The following SFR1 variants were observed in gnomAD, a reference collection of about 807,000 sequenced individuals.
The protein encoded by SFR1 is swi5-dependent recombination DNA repair protein 1 homolog.
SFR1 carries 24 observed loss-of-function variants against 26.2 expected under a neutral mutation model. That is an observed-to-expected ratio of 0.92 (90% CI 0.66 to 1.29). The LOEUF (loss-of-function observed/expected upper bound fraction) is 1.29, where lower values mean the gene tolerates loss of function less well. Among genes scored for constraint, SFR1 ranks in the 50% most tolerant of loss-of-function variants. The probability of loss-of-function intolerance (pLI) is 0.00; values close to 1 mark genes in which losing one functional copy is unlikely to be tolerated. For synonymous variants in SFR1, 77 were observed against 96.6 expected, an observed-to-expected ratio of 0.80 and a Z score of 1.19; for missense variants, 276 against 270.2, an observed-to-expected ratio of 1.02 and a Z score of -0.15.
intron 1 of SFR1, chr10:104,122,631 C>G: frequency 7.6e-7 from 1 of 1,311,946 alleles, no homozygotes; most frequent in Non-Finnish European, 9.7e-7. Context: ...ATGAAGCTGT[C>G]ATAATAAAGA....
chr10:104,124,119 T>A lies in SFR1; in HGVS notation c.541T>A (p.Ser181Thr). 6.4e-7 allele frequency: 1 copy of A among 1,560,234 alleles called. No homozygotes were observed. The highest frequency in any genetic ancestry group is 8.6e-7 in the Non-Finnish European group (1 of 1,156,364). The stretch of plus-strand genomic sequence containing the variant: ...GCTAAAACTAGTCAAAATGTATAGA[T>A]CAAAGGTGAGAAGAATTTCAGGACC... Reference protein sequence around the residue: ...RRLKLVKMYRSKNDLSQLQLL... With the variant: ...RRLKLVKMYRTKNDLSQLQLL... Residue 181 changes from serine (S) to threonine (T), a missense_variant, in exon 3 of 4, where the codon TCA becomes ACA. Coordinates refer to ENST00000369727, the MANE Select transcript of SFR1 (RefSeq NM_001002759.2).
At chr10:104,122,090 A>G (rs952747496), upstream of SFR1, 2 of 1,442,582 alleles carry the variant, frequency 1.4e-6, no homozygotes, top group Non-Finnish European at 1.9e-6. Context: ...AATCTGGCCA[A>G]TTGCGCATCT....
rs1201837637 is a variant in SFR1, at chr10:104,126,346, T to C, written c.*642T>C. 6.5e-6 allele frequency: 1 copy of C among 152,694 alleles called. No homozygotes were observed. Among genetic ancestry groups the C allele is most frequent in the Non-Finnish European group, 1.5e-5 (1 of 68,042 alleles). 9.5% of individuals were successfully genotyped at this position (152,694 alleles called of 1,614,324 possible). ...CCATTTACCACATATTTCCATCTGA[T>C]AGTCTAGCAGGTAATTAAACTTATA... On this transcript the variant is annotated 3_prime_UTR_variant, in exon 4 of 4. Transcript: ENST00000369727.
At chr10:104,122,449 T>C (rs1395625023) in intron 1 of SFR1, 6 of 985,436 alleles carry the variant, frequency 6.1e-6, no homozygotes, top group Non-Finnish European at 6.0e-6. Context: ...CAGTCCCTGT[T>C]GGCCGCTTAA....
At chr10:104,123,247 T>G in intron 2 of SFR1, 161 bp downstream of exon 2, 1 of 574,466 alleles carries the variant, frequency 1.7e-6, no homozygotes, top group Non-Finnish European at 3.0e-6. Flanking sequence ...AGGTGACATA[T>G]ATGACACCCA....
At chr10:104,122,775 T>G (rs1430227742) in intron 1 of SFR1, 190 bp from the exon 2 acceptor site, 1 of 1,500,084 alleles carries the variant, frequency 6.7e-7, no homozygotes, top group South Asian at 1.3e-5. Context: ...CATGAAAAAC[T>G]TAGTGGTCCC....
At chr10:104,123,124 T>C in intron 2 of SFR1, 38 bp downstream of exon 2, 1 of 1,471,076 alleles carries the variant, frequency 6.8e-7, no homozygotes, top group African/African-American at 1.4e-5. Flanking sequence ...ATCCATTATG[T>C]GTTTCTAAGT....
chr10:104,121,432 G>A (rs1410007914), upstream of SFR1, among the ~76,000 whole-genome samples: 1 of 152,182 alleles, frequency 6.6e-6, no homozygotes, highest in South Asian at 2.1e-4. Context: ...GGGACTCTCG[G>A]ATAGATTTCT....
At chr10:104,121,293 A>G (rs565422553), upstream of SFR1, among the ~76,000 whole-genome samples, 3 of 152,292 alleles carry the variant, frequency 2.0e-5, no homozygotes, top group South Asian at 4.1e-4. Flanking sequence ...ATTTGAGGTC[A>G]CGCTAAGGAG....
At chr10:104,121,881 G>T (rs1233816110), upstream of SFR1, among the ~76,000 whole-genome samples, 1 of 152,124 alleles carries the variant, frequency 6.6e-6, no homozygotes. Context: ...GCTGCGGATC[G>T]CGGCCGCGCG....
At chr10:104,124,349 T>G (rs151063717) in intron 3 of SFR1, among the ~76,000 whole-genome samples, 302 of 152,198 alleles carry the variant, frequency 2.0e-3, no homozygotes, top group African/African-American at 7.0e-3. Flanking sequence ...AATATGCAGT[T>G]AAACTTTTCT....
intron 3 of SFR1, 52 bp from the exon 4 acceptor site, chr10:104,125,461 G>A: frequency 1.4e-6 from 2 of 1,427,746 alleles, no homozygotes; most frequent in Non-Finnish European, 1.9e-6. Flanking sequence ...CTTTAATTAA[G>A]TTGAACTAGC....
Position 104,125,638 on chromosome 10 carries a change from C to T in SFR1, c.672C>T (p.Asp224=). Residue 224 remains aspartate, a synonymous_variant, in exon 4 of 4, where the codon GAC becomes GAT. Coordinates refer to ENST00000369727, the MANE Select transcript of SFR1 (RefSeq NM_001002759.2). The stretch of plus-strand genomic sequence containing the variant: ...AACTAAGCCTTACTCAATTGATAGA[C>T]CACTATGGGTTAGATGATAAATTAC... ...NKKLSLTQLI[D]HYGLDDKLLH... The T allele has an allele frequency of 6.2e-7, 1 of 1,612,210 alleles. No homozygotes were observed. Among genetic ancestry groups the T allele is most frequent in the East Asian group, 2.2e-5 (1 of 44,852 alleles).
chr10:104,122,814 A>G (rs2086980109), intron 1 of SFR1, 151 bp from the exon 2 acceptor site: 1 of 1,529,702 alleles, frequency 6.5e-7, no homozygotes, highest in Non-Finnish European at 8.7e-7. Flanking sequence ...GAAAACTGCA[A>G]AAAGAGCAAG....
At chr10:104,125,229 G>C (rs1487237195) in intron 3 of SFR1, among the ~76,000 whole-genome samples, 1 of 152,092 alleles carries the variant, frequency 6.6e-6, no homozygotes, top group Non-Finnish European at 1.5e-5. Flanking sequence ...ATTTTTCCCT[G>C]TATTATTGCT....
rs139131012 is a variant in SFR1 at position 104,122,975 on chromosome 10, A to G, written c.24A>G (p.Gln8=). The G allele has an allele frequency of 5.0e-6, 8 of 1,613,480 alleles. No individual in the cohort carries two copies. The highest frequency in any genetic ancestry group is 1.3e-5 in the African/African-American group (1 of 75,026). Residue 8 remains glutamine (Q), a synonymous_variant, in exon 2 of 4, where the codon CAA becomes CAG. Coordinates refer to ENST00000369727, the MANE Select transcript of SFR1 (RefSeq NM_001002759.2). MAEGEKN[Q]DFTFKMESPS... is the part of the protein sequence containing the mutation. ...ATTTTTCTTTTTTAGAGAAAAACCA[A>G]GATTTCACTTTCAAGATGGAAAGTC...
At chr10:104,125,383 C>T in intron 3 of SFR1, 130 bp from the exon 4 acceptor site, 1 of 660,690 alleles carries the variant, frequency 1.5e-6, no homozygotes, top group Non-Finnish European at 2.6e-6. Context: ...CTACTTTTTC[C>T]TAGATAGAAG....
chr10:104,123,187 T>C (rs921531181), intron 2 of SFR1, 101 bp downstream of exon 2: 1 of 950,574 alleles, frequency 1.1e-6, no homozygotes, highest in African/African-American at 1.6e-5. Context: ...TAACATAATG[T>C]GTAGCATAAA....
intron 2 of SFR1, 120 bp downstream of exon 2, chr10:104,123,206 C>T (rs1410965580): frequency 5.0e-6 from 4 of 802,556 alleles, no homozygotes; most frequent in Non-Finnish European, 7.6e-6. Context: ...AATAAGTAGA[C>T]ATTTTATTAA....
Sources: allele counts gnomAD v4.1 joint callset (sites outside exome capture counted in the v4.1 genomes callset), GRCh38; gene constraint gnomAD v4.1.1; transcripts MANE v1.5; gene names NCBI Gene and HGNC (gene_info 2026-07-23, HGNC 2026-07-21).